Variants in TBC1D9 observed in about 807,000 individuals in gnomAD.
TBC1D9 encodes the protein TBC1 domain family member 9.
A neutral mutation model predicts 132.0 loss-of-function variants in TBC1D9; 63 were observed. That is an observed-to-expected ratio of 0.48 (90% CI 0.39 to 0.59). The LOEUF is 0.59. Among genes scored for constraint, TBC1D9 ranks in the 20% least tolerant of loss-of-function variants. The pLI, the probability that TBC1D9 is intolerant of heterozygous loss-of-function variation, is 0.00. For missense variants in TBC1D9, 1,261 were observed against 1,592.7 expected (o/e 0.79, Z 3.54); for synonymous variants, 610 against 609.9 (o/e 1.00, Z 0.00).
intron 1 of TBC1D9, among the ~76,000 whole-genome samples, chr4:140,727,447 G>T (rs1738518773): frequency 1.3e-5 from 2 of 152,214 alleles, no homozygotes; most frequent in Non-Finnish European, 2.9e-5. Context: ...GCCTGGGGCA[G>T]AGTCCCAAAC....
intron 6 of TBC1D9, among the ~76,000 whole-genome samples, chr4:140,674,228 C>G (rs1737587763): frequency 6.6e-6 from 1 of 152,160 alleles, no homozygotes. Context: ...ATTTCACAGT[C>G]AAATGTAAAA....
intron 16 of TBC1D9, among the ~76,000 whole-genome samples, chr4:140,630,336 T>C (rs1350044413): frequency 1.3e-5 from 2 of 152,216 alleles, no homozygotes; most frequent in Admixed American, 1.3e-4. Context: ...AACTCTGATA[T>C]TGAAGGAGAA....
rs1301093137 is a variant in TBC1D9, at chr4:140,701,531, A to G, written c.214T>C (p.Ser72Pro). ...PYRILYQTPD[S>P]LVYWTIACGG... is the part of the protein sequence containing the mutation. The stretch of plus-strand genomic sequence containing the variant: ...CAGGCGATGGTCCAGTAGACCAGGG[A>G]GTCTGGAGTCTGGTACAAGATTCGG... The change falls in exon 2 of 21, where the codon TCC becomes CCC. Residue 72 changes from serine (S) to proline (P), a missense_variant. This residue lies in a region of TBC1D9 where 550 missense variants were observed against 699.0 expected (regional missense o/e 0.79). Transcript: ENST00000442267. The G allele has an allele frequency of 3.7e-6, 6 of 1,613,666 alleles. No homozygotes were observed. Among genetic ancestry groups the G allele is most frequent in the Non-Finnish European group, 5.1e-6 (6 of 1,179,766 alleles).
intron 9 of TBC1D9, among the ~76,000 whole-genome samples, chr4:140,664,209 C>A (rs369563105): frequency 2.6e-5 from 4 of 151,972 alleles, no homozygotes; most frequent in Non-Finnish European, 5.9e-5. Context: ...GTCAATTATA[C>A]CTCAACAACG....
In TBC1D9 at chr4:140,687,341, GTCATATATA is replaced by G. The variant is rs1327102190; in HGVS notation, c.242-888_242-880del. ...TATATATGTGTGTGTGTGTGTGTGTGTCATATATATATATATATATATATATATATATAT... is the reference window on the plus strand; with the variant it reads ...TATATATGTGTGTGTGTGTGTGTGTGTATATATATATATATATATATATAT... On this transcript the variant is annotated intron_variant, in intron 2 of 20. Coordinates refer to ENST00000442267, the MANE Select transcript of TBC1D9 (RefSeq NM_015130.3). 1.1e-3 allele frequency among the ~76,000 whole-genome samples: 99 copies of G among 91,042 alleles called. 1 individual carries two copies. The highest frequency in any genetic ancestry group is 6.9e-3 in the Middle Eastern group (1 of 144). The allele number at this position is 91,042 out of a possible 152,430, so 59.7% of individuals were successfully genotyped here. A position where few individuals can be genotyped will look rare whatever the true frequency, so the allele number is the denominator to read the frequency against.
chr4:140,728,848 G>C (rs1336489925), intron 1 of TBC1D9, among the ~76,000 whole-genome samples: 4 of 152,212 alleles, frequency 2.6e-5, no homozygotes, highest in South Asian at 4.2e-4. Context: ...ATTTTTAGTA[G>C]AGACGGTGTT....
intron 10 of TBC1D9, 87 bp downstream of exon 10, chr4:140,661,806 A>G: frequency 8.7e-7 from 1 of 1,148,374 alleles, no homozygotes. Flanking sequence ...AGTTCTGTTA[A>G]CCATAAACCT....
chr4:140,652,332 A>G (rs1410201174), intron 13 of TBC1D9, among the ~76,000 whole-genome samples: 1 of 151,804 alleles, frequency 6.6e-6, no homozygotes, highest in East Asian at 1.9e-4. Context: ...ATACAACCAC[A>G]CTATCTTTTT....
At chr4:140,633,497 C>A (rs970231479) in intron 16 of TBC1D9, among the ~76,000 whole-genome samples, 1 of 152,138 alleles carries the variant, frequency 6.6e-6, no homozygotes, top group African/African-American at 2.4e-5. Context: ...TCCATTTAGG[C>A]CGCAGGGCTG....
At chr4:140,642,653 C>A in intron 13 of TBC1D9, 1 of 706,818 alleles carries the variant, frequency 1.4e-6, no homozygotes, top group Admixed American at 2.3e-5. Flanking sequence ...GTGTTCATCC[C>A]AAGTCTGGTT....
chr4:140,646,814 T>G (rs944732431), intron 13 of TBC1D9, among the ~76,000 whole-genome samples: 13 of 152,214 alleles, frequency 8.5e-5, no homozygotes, highest in African/African-American at 2.7e-4. Flanking sequence ...TGGAAGAAAC[T>G]TCTTATCTCC....
At chr4:140,734,937 G>A (rs1460161183) in intron 1 of TBC1D9, among the ~76,000 whole-genome samples, 1 of 152,188 alleles carries the variant, frequency 6.6e-6, no homozygotes, top group Non-Finnish European at 1.5e-5. Flanking sequence ...TCTCAAAGAA[G>A]TTAAGAACTA....
At chr4:140,684,712 A>G (rs1028042114) in intron 3 of TBC1D9, among the ~76,000 whole-genome samples, 222 of 150,902 alleles carry the variant, frequency 1.5e-3, no homozygotes, top group African/African-American at 5.3e-3. Flanking sequence ...ATCATGGCTC[A>G]TTGCAGTCTT....
chr4:140,645,065 T>C (rs890180345), intron 13 of TBC1D9: 1 of 504,476 alleles, frequency 2.0e-6, no homozygotes, highest in South Asian at 1.6e-5. Flanking sequence ...AACCGGAGCC[T>C]GCCAGCACTG....
intron 1 of TBC1D9, among the ~76,000 whole-genome samples, chr4:140,738,135 A>T (rs184098492): frequency 1.3e-5 from 2 of 152,362 alleles, no homozygotes; most frequent in East Asian, 3.9e-4. Flanking sequence ...TCAACATGGT[A>T]TGTCAAACTT....
chr4:140,644,669 G>T, intron 13 of TBC1D9: 1 of 419,182 alleles, frequency 2.4e-6, no homozygotes. Context: ...TGGGCCGCCC[G>T]CTGCTGCAGG....
chr4:140,643,212 T>C (rs1737037775), intron 13 of TBC1D9: 1 of 1,377,720 alleles, frequency 7.3e-7, no homozygotes, highest in East Asian at 2.5e-5. Context: ...CAGGGCCCGC[T>C]CCGCACCTCC....
At chr4:140,666,181 G>T (rs1737440989) in intron 9 of TBC1D9, among the ~76,000 whole-genome samples, 1 of 152,174 alleles carries the variant, frequency 6.6e-6, no homozygotes, top group African/African-American at 2.4e-5. Context: ...AACACAGTAT[G>T]CTATGTGAAA....
chr4:140,622,976 T>C (rs751803127), intron 20 of TBC1D9, 59 bp from the exon 21 acceptor site: 7 of 1,453,014 alleles, frequency 4.8e-6, no homozygotes, highest in South Asian at 1.4e-5. Context: ...AAGGCAGCAC[T>C]GAAGTGGACT....
Sources: allele counts gnomAD v4.1 joint callset (sites outside exome capture counted in the v4.1 genomes callset), GRCh38; gene constraint gnomAD v4.1.1; regional missense constraint gnomAD v4.1.1; transcripts MANE v1.5; gene names NCBI Gene and HGNC (gene_info 2026-07-23, HGNC 2026-07-21).